The following GXYLT2 variants were observed in gnomAD, a reference collection of about 807,000 sequenced individuals.
The protein encoded by GXYLT2 is glycosyltransferase 8 domain containing 4.
Under a neutral mutation model 45.8 loss-of-function variants are expected in GXYLT2, and 53 were observed. That is an observed-to-expected ratio of 1.16 (90% CI 0.93 to 1.46). The LOEUF (loss-of-function observed/expected upper bound fraction) is 1.46, where lower values mean the gene tolerates loss of function less well. GXYLT2 is among the 40% of genes most tolerant of loss of function. The pLI is 0.00. For synonymous variants in GXYLT2, 219 were observed against 214.2 expected, an observed-to-expected ratio of 1.02 and a Z score of -0.19; for missense variants, 551 against 544.4, an observed-to-expected ratio of 1.01 and a Z score of -0.12.
intron 3 of GXYLT2, among the ~76,000 whole-genome samples, chr3:72,933,011 T>G (rs1710070544): frequency 6.6e-6 from 1 of 152,214 alleles, no homozygotes; most frequent in African/African-American, 2.4e-5. Flanking sequence ...ATAATAATAT[T>G]GCCTATCTCA....
At chr3:72,920,842 TCTCA>T (rs1238296422) in intron 2 of GXYLT2, among the ~76,000 whole-genome samples, 2 of 148,808 alleles carry the variant, frequency 1.3e-5, no homozygotes, top group African/African-American at 5.0e-5. Flanking sequence ...TTAGTCAGAG[TCTCA>T]CTCTGTCCGT....
chr3:72,914,260 A>G (rs1226792822), intron 2 of GXYLT2, among the ~76,000 whole-genome samples: 1 of 152,130 alleles, frequency 6.6e-6, no homozygotes, highest in Non-Finnish European at 1.5e-5. Context: ...TTTGCCATCT[A>G]TGTGGTAGAT....
At chr3:72,890,378 A>G (rs1227531918) in intron 1 of GXYLT2, among the ~76,000 whole-genome samples, 1 of 152,352 alleles carries the variant, frequency 6.6e-6, no homozygotes, top group Admixed American at 6.5e-5. Flanking sequence ...CGTCCCTCCC[A>G]TTGTTTCTCA....
At chr3:72,908,237 C>A in intron 1 of GXYLT2, 130 bp from the exon 2 acceptor site, 1 of 638,664 alleles carries the variant, frequency 1.6e-6, no homozygotes. Flanking sequence ...AAATGCTTAT[C>A]ACTTTATAAA....
chr3:72,973,114 C>T (rs1256815987), intron 6 of GXYLT2, among the ~76,000 whole-genome samples: 2 of 152,012 alleles, frequency 1.3e-5, no homozygotes, highest in Non-Finnish European at 2.9e-5. Flanking sequence ...AAAAAATCCT[C>T]TGAGATAGTG....
At chr3:72,910,585 T>A (rs1049292274) in intron 2 of GXYLT2, among the ~76,000 whole-genome samples, 2 of 152,186 alleles carry the variant, frequency 1.3e-5, no homozygotes, top group African/African-American at 4.8e-5. Context: ...TGCAGCTTGC[T>A]TCCCAGGGGA....
chr3:72,916,007 G>T (rs1054055032), intron 2 of GXYLT2, among the ~76,000 whole-genome samples: 18 of 151,926 alleles, frequency 1.2e-4, no homozygotes, highest in Admixed American at 3.9e-4. Flanking sequence ...CATGGTCCAT[G>T]ATCCTTTTAG....
intron 6 of GXYLT2, among the ~76,000 whole-genome samples, chr3:72,969,877 T>G (rs1175996391): frequency 9.0e-6 from 1 of 111,544 alleles, no homozygotes; most frequent in African/African-American, 3.5e-5. Context: ...TGTAACATAG[T>G]AACAATTTTT....
intron 5 of GXYLT2, among the ~76,000 whole-genome samples, chr3:72,958,629 C>CTTT (rs760548760): frequency 7.4e-5 from 8 of 108,706 alleles, no homozygotes; most frequent in Admixed American, 9.7e-5. Flanking sequence ...TCACTTGTGG[C>CTTT]TTTTTTTTTT....
chr3:72,922,230 A>G lies in GXYLT2; in HGVS notation c.495A>G (p.Thr165=). The G allele has an allele frequency of 6.2e-7, 1 of 1,613,696 alleles. No homozygotes were observed. The highest frequency in any genetic ancestry group is 8.5e-7 in the Non-Finnish European group (1 of 1,179,726). Residue 165 remains threonine (T), a synonymous_variant, in exon 3 of 7, where the codon ACA becomes ACG. Transcript: ENST00000389617. The part of the protein sequence containing the change: ...KQLRQWPDSY[T]KKFEHRIYPI... ...TACGCCAGTGGCCTGACTCATATAC[A>G]AAGAAGTTTGAGCACAGAATCTACC...
intron 3 of GXYLT2, among the ~76,000 whole-genome samples, chr3:72,936,405 G>T (rs972492832): frequency 1.3e-5 from 2 of 151,940 alleles, no homozygotes; most frequent in African/African-American, 4.8e-5. Context: ...TATAATCCCA[G>T]CACTTTGGGA....
intron 4 of GXYLT2, 74 bp from the exon 5 acceptor site, chr3:72,957,155 C>G: frequency 6.9e-7 from 1 of 1,447,012 alleles, no homozygotes. Flanking sequence ...AAAACTAGTC[C>G]CTTTACATTG....
At chr3:72,945,267 G>A (rs1208022917) in intron 3 of GXYLT2, among the ~76,000 whole-genome samples, 1 of 150,912 alleles carries the variant, frequency 6.6e-6, no homozygotes, top group African/African-American at 2.4e-5. Flanking sequence ...CAGCCTGGGC[G>A]ACTGAGCAAG....
chr3:72,921,699 G>A (rs1183779739), intron 2 of GXYLT2, among the ~76,000 whole-genome samples: 1 of 152,146 alleles, frequency 6.6e-6, no homozygotes, highest in South Asian at 2.1e-4. Flanking sequence ...AAAGTGCTGG[G>A]ATTACAGGCA....
At chr3:72,913,750 C>G (rs1365901693) in intron 2 of GXYLT2, among the ~76,000 whole-genome samples, 1 of 151,980 alleles carries the variant, frequency 6.6e-6, no homozygotes, top group Non-Finnish European at 1.5e-5. Flanking sequence ...TGTATACTAC[C>G]GTCACTTTCT....
chr3:72,950,400 G>T (rs1014246319), intron 3 of GXYLT2, among the ~76,000 whole-genome samples: 3 of 152,122 alleles, frequency 2.0e-5, no homozygotes, highest in Admixed American at 2.0e-4. Context: ...GGCAGAGGTT[G>T]CAGTGAGCCG....
At chr3:72,910,722 A>T (rs1418428318) in intron 2 of GXYLT2, among the ~76,000 whole-genome samples, 1 of 152,174 alleles carries the variant, frequency 6.6e-6, no homozygotes, top group African/African-American at 2.4e-5. Context: ...CAGGAAAGAG[A>T]CTAGAGAGTC....
At chr3:72,908,310 G>T (rs569695658) in intron 1 of GXYLT2, 57 bp from the exon 2 acceptor site, 3 of 1,347,136 alleles carry the variant, frequency 2.2e-6, no homozygotes, top group African/African-American at 1.5e-5. Context: ...CCGGTTTTTT[G>T]TTGTTTTTAC....
chr3:72,950,460 C>CA (rs1559746279), intron 3 of GXYLT2, among the ~76,000 whole-genome samples: 1 of 151,380 alleles, frequency 6.6e-6, no homozygotes, highest in Admixed American at 6.6e-5. Flanking sequence ...GACTTCATCT[C>CA]AAAAAAAGAA....
Sources: allele counts gnomAD v4.1 joint callset (sites outside exome capture counted in the v4.1 genomes callset), GRCh38; gene constraint gnomAD v4.1.1; transcripts MANE v1.5; gene names NCBI Gene and HGNC (gene_info 2026-07-23, HGNC 2026-07-21).